TRAPPC13: variants seen among roughly 807,000 people sequenced by gnomAD.
TRAPPC13 encodes the protein REV7-interacting novel NHEJ regulator 1.
TRAPPC13 carries 39 observed loss-of-function variants against 54.0 expected under a neutral mutation model. The ratio of observed to expected loss-of-function variants is 0.72; its 90% CI spans 0.56 to 0.94. The LOEUF (loss-of-function observed/expected upper bound fraction) is 0.94. Ranked by LOEUF, TRAPPC13 falls within the 40% of genes least tolerant of loss-of-function variation. The pLI is 0.00. For synonymous variants in TRAPPC13, 148 were observed against 167.7 expected (o/e 0.88, Z 0.91); for missense variants, 386 against 488.1 (o/e 0.79, Z 1.97).
intron 1 of TRAPPC13, among the ~76,000 whole-genome samples, chr5:65,627,131 CAA>C (rs60169195): frequency 0.021 from 667 of 32,520 alleles, 3 homozygotes; most frequent in African/African-American, 0.061. Context: ...GACCCTGTCT[CAA>C]AAAAAAAAAA....
chr5:65,647,409 T>A (rs1756254593), intron 5 of TRAPPC13, among the ~76,000 whole-genome samples: 1 of 152,154 alleles, frequency 6.6e-6, no homozygotes, highest in East Asian at 1.9e-4. Flanking sequence ...TTTTTACATC[T>A]ACAATCTCTA....
At chr5:65,635,657 T>C (rs552688617) in intron 2 of TRAPPC13, among the ~76,000 whole-genome samples, 7 of 152,350 alleles carry the variant, frequency 4.6e-5, no homozygotes, top group Middle Eastern at 3.4e-3. Context: ...GTTGCATCAA[T>C]GTATGTATTA....
intron 1 of TRAPPC13, among the ~76,000 whole-genome samples, chr5:65,634,545 C>T (rs1419924166): frequency 2.0e-5 from 3 of 151,918 alleles, no homozygotes; most frequent in Non-Finnish European, 4.4e-5. Context: ...ATTATATAAA[C>T]GTATATGTTT....
Position 65,657,733 on chromosome 5 carries a change from C to T in TRAPPC13, c.565-635C>T, listed in dbSNP as rs140692258. 4.8e-3 allele frequency among the ~76,000 whole-genome samples: 724 copies of T among 152,198 alleles called. 4 individuals are homozygous for T. The highest frequency in any genetic ancestry group is 0.016 in the African/African-American group (677 of 41,550). On this transcript the variant is annotated intron_variant, in intron 8 of 12. Coordinates refer to ENST00000399438, the MANE Select transcript of TRAPPC13 (RefSeq NM_024941.4). ...AATCTGTCACTGAGGCTACAAAATACCTTTTGCCTGATTTAAAAGCTCTAC... is the reference window on the plus strand; with the variant it reads ...AATCTGTCACTGAGGCTACAAAATATCTTTTGCCTGATTTAAAAGCTCTAC...
Position 65,638,189 on chromosome 5 carries a change from C to T in TRAPPC13, c.300+409C>T, listed in dbSNP as rs980297053. Reference sequence around the variant, plus strand: ...TGTTTTTGGCACTTCATTAAATGCACGTTTGATACAATAATTTTTAATTGT... The same window carrying T: ...TGTTTTTGGCACTTCATTAAATGCATGTTTGATACAATAATTTTTAATTGT... On this transcript the variant is annotated intron_variant, in intron 4 of 12. Transcript: ENST00000399438. Among the ~76,000 whole-genome samples, 4 of 151,754 alleles carry T rather than the reference C, an allele frequency of 2.6e-5. No homozygotes were observed. In the East Asian group the frequency reaches 5.8e-4, roughly 22 times the overall value.
intron 8 of TRAPPC13, among the ~76,000 whole-genome samples, chr5:65,656,678 C>A (rs757524399): frequency 6.6e-6 from 1 of 151,338 alleles, no homozygotes; most frequent in Non-Finnish European, 1.5e-5. Context: ...GAGGCCGAGG[C>A]GAGCGGATCA....
chr5:65,628,516 A>ATGGGAGT (rs1359271404), intron 1 of TRAPPC13, among the ~76,000 whole-genome samples: 1 of 150,912 alleles, frequency 6.6e-6, no homozygotes, highest in Non-Finnish European at 1.5e-5. Flanking sequence ...CTGGAGTGCA[A>ATGGGAGT]TGGGAGTACG....
chr5:65,634,673 T>G (rs984414609), intron 1 of TRAPPC13, among the ~76,000 whole-genome samples: 5 of 151,896 alleles, frequency 3.3e-5, no homozygotes, highest in South Asian at 4.2e-4. Context: ...GGCAGATCAC[T>G]CGAGGTCAGG....
At chr5:65,629,969 A>G in intron 1 of TRAPPC13, 2 of 1,536,056 alleles carry the variant, frequency 1.3e-6, no homozygotes, top group Non-Finnish European at 1.7e-6. Context: ...AAAACAGCAC[A>G]AGAGGAGATC....
At chr5:65,651,480 T>C (rs1756430968) in intron 6 of TRAPPC13, among the ~76,000 whole-genome samples, 1 of 152,112 alleles carries the variant, frequency 6.6e-6, no homozygotes, top group African/African-American at 2.4e-5. Flanking sequence ...GTAAATAATA[T>C]CAAATTTCTA....
intron 1 of TRAPPC13, among the ~76,000 whole-genome samples, chr5:65,632,154 G>A (rs191043703): frequency 3.0e-4 from 46 of 152,088 alleles, no homozygotes; most frequent in Middle Eastern, 3.4e-3. Flanking sequence ...GCGGGGGTAG[G>A]GGGTGGGTCT....
rs1755141691 is a variant in TRAPPC13 at position 65,625,074 on chromosome 5, C to G, written c.14C>G (p.Pro5Arg). 1 of 1,613,690 alleles carries G rather than the reference C, an allele frequency of 6.2e-7. No homozygotes were observed. The highest frequency in any genetic ancestry group is 8.5e-7 in the Non-Finnish European group (1 of 1,179,698). ...GTGCCGGTCAAAATGGAAGTGAATC[C>G]CCCTAAACAGGAGCACCTGCTGGCG... is the stretch of plus-strand genomic sequence containing the variant. MEVN[P>R]PKQEHLLALK... Residue 5 changes from proline to arginine, a missense_variant, in exon 1 of 13, where the codon CCC becomes CGC. By Grantham distance (103) the Pro-to-Arg change is moderately radical. Transcript: ENST00000399438.
At chr5:65,662,498 C>G (rs188812781) in intron 11 of TRAPPC13, 1 of 158,954 alleles carries the variant, frequency 6.3e-6, no homozygotes, top group African/African-American at 2.4e-5. Context: ...CATGCTTGTA[C>G]TTGAGCTGTA....
chr5:65,640,855 A>G (rs994903336), intron 4 of TRAPPC13, among the ~76,000 whole-genome samples: 9 of 152,154 alleles, frequency 5.9e-5, no homozygotes, highest in African/African-American at 1.9e-4. Context: ...AATAATTATA[A>G]GCAGTGTAGT....
intron 10 of TRAPPC13, chr5:65,661,342 T>C (rs1428678986): frequency 2.0e-5 from 3 of 152,850 alleles, no homozygotes; most frequent in African/African-American, 2.4e-5. Context: ...AGTTATCTTA[T>C]AAGCATTGGT....
Position 65,635,067 on chromosome 5 carries a change from T to G in TRAPPC13, c.47-234T>G, listed in dbSNP as rs1755698158. 10 of 551,444 alleles carry G rather than the reference T, an allele frequency of 1.8e-5. No homozygotes were observed. The South Asian group carries it at 8.2e-4, about 45-fold the overall frequency. The allele number at this position is 551,444 out of a possible 1,614,324, so 34.2% of individuals were successfully genotyped here. ...TAATGAATGCATATTGTATTTACAT[T>G]TAATTTTTATAATTCATAGGTTGTA... On this transcript the variant is annotated intron_variant, in intron 1 of 12. Coordinates refer to ENST00000399438, the MANE Select transcript of TRAPPC13 (RefSeq NM_024941.4).
At chr5:65,628,626 C>G (rs1381569158) in intron 1 of TRAPPC13, among the ~76,000 whole-genome samples, 1 of 151,982 alleles carries the variant, frequency 6.6e-6, no homozygotes, top group Non-Finnish European at 1.5e-5. Context: ...CACACGCCAC[C>G]ACAGCCGGCT....
intron 9 of TRAPPC13, 128 bp downstream of exon 9, chr5:65,658,629 T>TTCA: frequency 1.4e-6 from 1 of 740,110 alleles, no homozygotes; most frequent in East Asian, 3.3e-5. Flanking sequence ...CATAGAAAAA[T>TTCA]TCATCAGAAA....
At chr5:65,626,888 A>G (rs1333164306) in intron 1 of TRAPPC13, among the ~76,000 whole-genome samples, 1 of 152,058 alleles carries the variant, frequency 6.6e-6, no homozygotes, top group Non-Finnish European at 1.5e-5. Flanking sequence ...TCACGCCTGT[A>G]ATAGCACTTT....
Sources: gnomAD v4.1 joint callset for allele counts (sites outside exome capture counted in the v4.1 genomes callset) on GRCh38, gnomAD v4.1.1 for gene constraint, MANE v1.5 for transcripts, NCBI Gene and HGNC (gene_info 2026-07-23, HGNC 2026-07-21) for gene names.